Variants in PRRX1 observed in about 807,000 individuals in gnomAD.
PRRX1 encodes paired mesoderm homeobox protein 1.
Under a neutral mutation model 24.0 loss-of-function variants are expected in PRRX1, and 8 were observed. The ratio of observed to expected loss-of-function variants is 0.33; its 90% CI spans 0.20 to 0.60. The LOEUF (loss-of-function observed/expected upper bound fraction) is 0.60. PRRX1 is among the 20% of genes least tolerant of loss of function. The pLI is 0.82. For synonymous variants in PRRX1, 160 were observed against 131.7 expected, an observed-to-expected ratio of 1.22 and a Z score of -1.47; for missense variants, 281 against 322.4, an observed-to-expected ratio of 0.87 and a Z score of 0.98.
At chr1:170,665,617 C>T (rs1459034581) in intron 1 of PRRX1, among the ~76,000 whole-genome samples, 1 of 152,190 alleles carries the variant, frequency 6.6e-6, no homozygotes, top group Non-Finnish European at 1.5e-5. Flanking sequence ...TTTCACAAAA[C>T]GTTGCCTATT....
In PRRX1 at chr1:170,726,252, C is replaced by T. The variant is rs772286122; in HGVS notation, c.450C>T (p.Arg150=). 7 of 1,614,056 alleles carry T rather than the reference C, an allele frequency of 4.3e-6. No homozygotes were observed. Among genetic ancestry groups the T allele is most frequent in the Non-Finnish European group, 4.2e-6 (5 of 1,179,990 alleles). ...VWFQNRRAKF[R]RNERAMLANK... ...TTCAGAACCGAAGAGCCAAGTTCCG[C>T]AGGAATGAGAGAGCCATGCTAGCCA... The change falls in exon 3 of 4, where the codon CGC becomes CGT. Residue 150 remains arginine, a synonymous_variant. Coordinates refer to ENST00000239461, the MANE Select transcript of PRRX1 (RefSeq NM_022716.4).
chr1:170,694,043 AGTT>A (rs1654078054), intron 1 of PRRX1, among the ~76,000 whole-genome samples: 1 of 152,082 alleles, frequency 6.6e-6, no homozygotes, highest in African/African-American at 2.4e-5. Context: ...CCTGGAGGAA[AGTT>A]GTCGCCACGA....
intron 1 of PRRX1, among the ~76,000 whole-genome samples, chr1:170,680,823 T>C (rs1033540651): frequency 6.6e-6 from 1 of 152,160 alleles, no homozygotes; most frequent in Non-Finnish European, 1.5e-5. Context: ...TAAAATACAA[T>C]TTTCTGAGTA....
intron 1 of PRRX1, among the ~76,000 whole-genome samples, chr1:170,678,520 G>A (rs940224044): frequency 5.5e-4 from 83 of 152,186 alleles, no homozygotes; most frequent in Non-Finnish European, 1.0e-3. Flanking sequence ...AGTGTTAGGC[G>A]AAGATTAGGA....
chr1:170,704,266 G>A (rs775001027), intron 1 of PRRX1, among the ~76,000 whole-genome samples: 6 of 152,120 alleles, frequency 3.9e-5, no homozygotes, highest in South Asian at 2.1e-4. Context: ...CTATATAAAC[G>A]CAACCTCTCA....
At chr1:170,700,116 C>T (rs2101903838) in intron 1 of PRRX1, among the ~76,000 whole-genome samples, 1 of 152,230 alleles carries the variant, frequency 6.6e-6, no homozygotes, top group African/African-American at 2.4e-5. Flanking sequence ...CTATGGCCTC[C>T]TATGGCCATT....
chr1:170,690,496 C>T lies in PRRX1; in HGVS notation c.241+26037C>T, dbSNP rs115791031. 7.9e-3 allele frequency among the ~76,000 whole-genome samples: 1,197 copies of T among 151,988 alleles called. 15 individuals carry two copies. Among genetic ancestry groups the T allele is most frequent in the African/African-American group, 0.027 (1,124 of 41,448 alleles). On this transcript the variant is annotated intron_variant, in intron 1 of 3. Coordinates refer to ENST00000239461, the MANE Select transcript of PRRX1 (RefSeq NM_022716.4). ...TTGAACCCTTCAGGTGTGTGTGGTG[C>T]GTATGAGAAAGTCAGTTGGATCTTA...
chr1:170,671,409 C>T (rs1439427155), intron 1 of PRRX1, among the ~76,000 whole-genome samples: 1 of 152,220 alleles, frequency 6.6e-6, no homozygotes, highest in Non-Finnish European at 1.5e-5. Context: ...GAAACAAACA[C>T]CCCCACCCCA....
At chr1:170,700,126 T>A (rs926246743) in intron 1 of PRRX1, among the ~76,000 whole-genome samples, 4 of 151,372 alleles carry the variant, frequency 2.6e-5, no homozygotes, top group African/African-American at 7.4e-5. Context: ...CTATGGCCAT[T>A]TTTTTTAAGC....
chr1:170,734,778 T>A (rs1655551009), intron 3 of PRRX1, among the ~76,000 whole-genome samples: 1 of 152,190 alleles, frequency 6.6e-6, no homozygotes, highest in Non-Finnish European at 1.5e-5. Flanking sequence ...TTTCTTAACT[T>A]AATTTTCTTG....
chr1:170,674,040 A>G (rs553262658), intron 1 of PRRX1, among the ~76,000 whole-genome samples: 1 of 152,350 alleles, frequency 6.6e-6, no homozygotes. Flanking sequence ...TTCTACAAGT[A>G]CATGTAAAAA....
Position 170,664,234 on chromosome 1 carries a change from G to C in PRRX1, c.16G>C (p.Gly6Arg), listed in dbSNP as rs748513691. The change falls in exon 1 of 4, where the codon GGG becomes CGG. Residue 6 changes from glycine to arginine, a missense_variant. By Grantham distance (125) the Gly-to-Arg change is moderately radical. Transcript: ENST00000239461. The part of the protein sequence containing the change: MTSSY[G>R]HVLERQPALG... ...GGGGGAGACCATGACCTCCAGCTAC[G>C]GGCACGTTCTGGAGCGGCAACCGGC... 4 of 1,611,456 alleles carry C rather than the reference G, an allele frequency of 2.5e-6. No individual in the cohort carries two copies. The highest frequency in any genetic ancestry group is 3.4e-6 in the Non-Finnish European group (4 of 1,179,270).
intron 1 of PRRX1, among the ~76,000 whole-genome samples, chr1:170,692,572 C>T (rs1203832232): frequency 2.0e-5 from 3 of 148,296 alleles, no homozygotes; most frequent in Admixed American, 6.7e-5. Flanking sequence ...TTTTAAGAAC[C>T]AGGTCTGTTC....
chr1:170,697,822 C>T (rs1045789676), intron 1 of PRRX1, among the ~76,000 whole-genome samples: 30 of 145,270 alleles, frequency 2.1e-4, no homozygotes, highest in Non-Finnish European at 3.8e-4. Flanking sequence ...AGAAATATAT[C>T]TCTGTATAAA....
chr1:170,667,312 A>G (rs78029672), intron 1 of PRRX1: 2,266 of 67,394 alleles, frequency 0.034, 33 homozygotes, highest in African/African-American at 0.11. Context: ...GCGCGCGCGC[A>G]CACACACACA....
At chr1:170,694,249 C>T (rs1191596882) in intron 1 of PRRX1, among the ~76,000 whole-genome samples, 1 of 152,002 alleles carries the variant, frequency 6.6e-6, no homozygotes, top group Non-Finnish European at 1.5e-5. Context: ...AAAATAGTAA[C>T]TTACAGAAAC....
chr1:170,671,383 T>C (rs1653139224), intron 1 of PRRX1, among the ~76,000 whole-genome samples: 1 of 152,224 alleles, frequency 6.6e-6, no homozygotes, highest in African/African-American at 2.4e-5. Flanking sequence ...AGTGGTGTGG[T>C]CTCTGCCTCG....
At position 170,664,151 on chromosome 1, in the gene PRRX1, C is replaced by G; in HGVS notation, c.-68C>G. The stretch of plus-strand genomic sequence containing the variant: ...TCCCCACTCGGCTCCTCTCCCCCCT[C>G]GCGCCCACAGCGTTTGGTGTTGATT... On this transcript the variant is annotated 5_prime_UTR_variant, in exon 1 of 4. Transcript: ENST00000239461. 2.0e-6 allele frequency: 3 copies of G among 1,514,560 alleles called. No homozygotes were observed. The highest frequency in any genetic ancestry group is 1.9e-4 in the Middle Eastern group (1 of 5,324). The allele number at this position is 1,514,560 out of a possible 1,614,324, so 93.8% of individuals were successfully genotyped here.
At chr1:170,675,653 G>A (rs910667539) in intron 1 of PRRX1, among the ~76,000 whole-genome samples, 3 of 152,196 alleles carry the variant, frequency 2.0e-5, no homozygotes, top group Admixed American at 6.5e-5. Context: ...CCAGACATGA[G>A]CATCTACAGC....
Sources: allele counts gnomAD v4.1 joint callset (sites outside exome capture counted in the v4.1 genomes callset), GRCh38; gene constraint gnomAD v4.1.1; transcripts MANE v1.5; gene names NCBI Gene and HGNC (gene_info 2026-07-23, HGNC 2026-07-21).